Variants in NEK10 observed in about 807,000 individuals in gnomAD.
NEK10 encodes serine/threonine-protein kinase Nek10.
NEK10 carries 122 observed loss-of-function variants against 159.8 expected under a neutral mutation model. The ratio of observed to expected loss-of-function variants is 0.76; its 90% CI spans 0.66 to 0.89. The LOEUF is 0.89. NEK10 is among the 40% of genes least tolerant of loss of function. The pLI is 0.00. For synonymous variants in NEK10, 466 were observed against 457.1 expected (o/e 1.02, Z -0.25); for missense variants, 1,342 against 1,323.1 (o/e 1.01, Z -0.22).
At chr3:27,268,251 T>C (rs2041062501) in intron 22 of NEK10, among the ~76,000 whole-genome samples, 1 of 152,252 alleles carries the variant, frequency 6.6e-6, no homozygotes, top group Admixed American at 6.5e-5. Flanking sequence ...TATGGCAAGT[T>C]ATCCAGATCT....
At chr3:27,293,713 GGAAA>G (rs2043158234) in intron 15 of NEK10, 61 bp from the exon 16 acceptor site, 1 of 919,558 alleles carries the variant, frequency 1.1e-6, no homozygotes, top group African/African-American at 1.6e-5. Flanking sequence ...AACATTTTCA[GGAAA>G]GAATTAACAG....
At position 27,174,848 on chromosome 3, in the gene NEK10, T is replaced by C; in HGVS notation, c.2506-15A>G. The C allele has an allele frequency of 6.4e-7, 1 of 1,555,218 alleles. No individual in the cohort carries two copies. Among genetic ancestry groups the C allele is most frequent in the Non-Finnish European group, 8.7e-7 (1 of 1,155,672 alleles). On this transcript the variant is annotated splice_polypyrimidine_tract_variant and intron_variant, in intron 26 of 35. Coordinates refer to ENST00000691995, the MANE Select transcript of NEK10 (RefSeq NM_001394966.1). ...TCAAAGGTCTCCTGGAAAGAGAAAT[T>C]CAGTTTTTCATAGCCTCTTTCTCTA...
At chr3:27,210,423 C>T (rs541895529) in intron 23 of NEK10, among the ~76,000 whole-genome samples, 5 of 152,226 alleles carry the variant, frequency 3.3e-5, no homozygotes, top group East Asian at 1.9e-4. Context: ...CATGATCTAG[C>T]GATCTCTTAA....
At chr3:27,303,699 T>C (rs965492797) in intron 12 of NEK10, among the ~76,000 whole-genome samples, 1 of 152,254 alleles carries the variant, frequency 6.6e-6, no homozygotes, top group Non-Finnish European at 1.5e-5. Flanking sequence ...GTACAGTCTA[T>C]TCTTATGCTT....
intron 22 of NEK10, among the ~76,000 whole-genome samples, chr3:27,262,477 C>T (rs147901396): frequency 4.6e-4 from 70 of 152,320 alleles, no homozygotes; most frequent in Admixed American, 9.8e-4. Flanking sequence ...ACCAATCAGA[C>T]GTAGATTTGG....
intron 26 of NEK10, among the ~76,000 whole-genome samples, chr3:27,175,333 C>G (rs1559554420): frequency 6.6e-6 from 1 of 152,134 alleles, no homozygotes; most frequent in East Asian, 1.9e-4. Flanking sequence ...ACTTACAAAC[C>G]ACTTGGGACT....
intron 19 of NEK10, among the ~76,000 whole-genome samples, chr3:27,288,001 T>C (rs1235640544): frequency 6.6e-6 from 1 of 152,192 alleles, no homozygotes; most frequent in Admixed American, 6.5e-5. Flanking sequence ...AACTTTACTA[T>C]CGAACTTAAC....
intron 31 of NEK10, among the ~76,000 whole-genome samples, chr3:27,136,412 C>T (rs996636604): frequency 2.0e-5 from 3 of 151,882 alleles, no homozygotes; most frequent in African/African-American, 7.3e-5. Flanking sequence ...GCGCCCGGCC[C>T]CAATGTTTAA....
At chr3:27,217,446 A>G (rs1951649586) in intron 23 of NEK10, among the ~76,000 whole-genome samples, 1 of 152,176 alleles carries the variant, frequency 6.6e-6, no homozygotes, top group Non-Finnish European at 1.5e-5. Flanking sequence ...GAAGAGAGAG[A>G]GTAGGGAGGT....
At chr3:27,197,135 C>A (rs141210126) in intron 25 of NEK10, among the ~76,000 whole-genome samples, 1 of 151,912 alleles carries the variant, frequency 6.6e-6, no homozygotes, top group East Asian at 1.9e-4. Context: ...AAAACAGGGA[C>A]GCAGAAATAA....
Position 27,291,559 on chromosome 3 carries a change from G to T in NEK10, c.1401C>A (p.Ile467=). The T allele has an allele frequency of 1.2e-6, 2 of 1,605,746 alleles. No individual in the cohort carries two copies. Among genetic ancestry groups the T allele is most frequent in the Non-Finnish European group, 1.7e-6 (2 of 1,172,414 alleles). The change falls in exon 17 of 36, where the codon ATC becomes ATA. Residue 467 remains isoleucine (I), a synonymous_variant. Transcript: ENST00000691995. ...GTACATAATGCCCTATGTCAATGAA[G>T]ATCTCAAACAAGTCTGTGGGGAAAA... ...KRLFPTDLFE[I]FIDIGHYVRD...
intron 23 of NEK10, among the ~76,000 whole-genome samples, chr3:27,242,102 G>T (rs1323820399): frequency 1.3e-5 from 2 of 152,164 alleles, no homozygotes; most frequent in Non-Finnish European, 2.9e-5. Flanking sequence ...TACTAGAATT[G>T]TTCCACCATG....
Position 27,134,853 on chromosome 3 carries a change from T to A in NEK10, c.2971-2863A>T, listed in dbSNP as rs183808488. Among the ~76,000 whole-genome samples, 9 of 152,302 alleles carry A rather than the reference T, an allele frequency of 5.9e-5. No individual in the cohort carries two copies. The East Asian group carries it at 1.7e-3, about 29-fold the overall frequency. ...AGGTGATATAAACATAATAATATAT[T>A]ATACGTAAGGACTATAATACTAAGA... On this transcript the variant is annotated intron_variant, in intron 31 of 35. Coordinates refer to ENST00000691995, the MANE Select transcript of NEK10 (RefSeq NM_001394966.1).
At chr3:27,216,822 C>T (rs1462523416) in intron 23 of NEK10, among the ~76,000 whole-genome samples, 2 of 152,070 alleles carry the variant, frequency 1.3e-5, no homozygotes, top group African/African-American at 2.4e-5. Context: ...AGAATTTGAG[C>T]AAATAAATTA....
intron 22 of NEK10, among the ~76,000 whole-genome samples, chr3:27,265,190 C>T (rs1347710365): frequency 6.6e-6 from 1 of 152,262 alleles, no homozygotes; most frequent in Non-Finnish European, 1.5e-5. Flanking sequence ...ACATGTCCAC[C>T]ATTCTCAGCA....
chr3:27,365,547 T>C (rs112653070), intron 1 of NEK10, among the ~76,000 whole-genome samples: 305 of 152,024 alleles, frequency 2.0e-3, no homozygotes, highest in African/African-American at 5.9e-3. Flanking sequence ...AAAAAAACTA[T>C]GTATTTTATC....
intron 30 of NEK10, among the ~76,000 whole-genome samples, chr3:27,150,846 T>A (rs1944782413): frequency 6.6e-6 from 1 of 152,178 alleles, no homozygotes; most frequent in African/African-American, 2.4e-5. Context: ...AAGGATTCAC[T>A]ATTCTAGATG....
At chr3:27,232,985 T>C (rs1321202815) in intron 23 of NEK10, among the ~76,000 whole-genome samples, 2 of 151,940 alleles carry the variant, frequency 1.3e-5, no homozygotes, top group Non-Finnish European at 2.9e-5. Context: ...AGGCAAACAA[T>C]TCATGACTAA....
intron 23 of NEK10, among the ~76,000 whole-genome samples, chr3:27,217,030 A>T (rs1224825147): frequency 6.6e-6 from 1 of 152,210 alleles, no homozygotes; most frequent in Non-Finnish European, 1.5e-5. Context: ...ACATTTTATA[A>T]ATTACTTATG....
Sources: allele counts gnomAD v4.1 joint callset (sites outside exome capture counted in the v4.1 genomes callset), GRCh38; gene constraint gnomAD v4.1.1; transcripts MANE v1.5; gene names NCBI Gene and HGNC (gene_info 2026-07-23, HGNC 2026-07-21).